SUCO: variants seen among roughly 807,000 people sequenced by gnomAD.
SUCO encodes the protein SUN domain containing ossification factor.
Under a neutral mutation model 148.1 loss-of-function variants are expected in SUCO, and 57 were observed. The observed-to-expected ratio is 0.38, with a 90% CI of 0.31 to 0.48. The LOEUF is 0.48. SUCO is among the 20% of genes least tolerant of loss of function. SUCO has a pLI of 0.96. For missense variants in SUCO, 1,331 were observed against 1,468.2 expected, an observed-to-expected ratio of 0.91 and a Z score of 1.53; for synonymous variants, 470 against 502.7, an observed-to-expected ratio of 0.93 and a Z score of 0.87.
chr1:172,594,112 G>T (rs1656891012), intron 19 of SUCO, among the ~76,000 whole-genome samples: 1 of 151,978 alleles, frequency 6.6e-6, no homozygotes, highest in African/African-American at 2.4e-5. Context: ...CTGTGGGATT[G>T]GTGGTGATAT....
chr1:172,556,562 C>T (rs1289606899), intron 4 of SUCO: 2 of 963,586 alleles, frequency 2.1e-6, no homozygotes, highest in East Asian at 1.1e-4. Flanking sequence ...TCTCTTAATA[C>T]TACATTAAGC....
At chr1:172,605,278 T>C (rs1657794371) in intron 22 of SUCO, among the ~76,000 whole-genome samples, 1 of 151,894 alleles carries the variant, frequency 6.6e-6, no homozygotes, top group Admixed American at 6.6e-5. Flanking sequence ...TTTTCCCCTG[T>C]TTTCTTCCAA....
intron 4 of SUCO, chr1:172,557,006 A>C (rs1382768710): frequency 2.0e-6 from 2 of 977,300 alleles, no homozygotes; most frequent in East Asian, 2.3e-4. Context: ...TTAGTATAGT[A>C]ATGATGGAAA....
chr1:172,557,722 A>G lies in SUCO; in HGVS notation c.660A>G (p.Lys220=). The G allele has an allele frequency of 6.2e-7, 1 of 1,613,226 alleles. No individual in the cohort carries two copies. The highest frequency in any genetic ancestry group is 2.2e-5 in the East Asian group (1 of 44,856). The change falls in exon 6 of 24, where the codon AAA becomes AAG. Residue 220 remains lysine, a synonymous_variant. Transcript: ENST00000263688. The part of the protein sequence containing the change: ...GKITKSEFES[K]VSASEQGGGD... Reference sequence around the variant, plus strand: ...TAACAAAATCAGAATTTGAATCAAAAGTTTCAGCAAGTGAACAGGGCGGTG... The same window carrying G: ...TAACAAAATCAGAATTTGAATCAAAGGTTTCAGCAAGTGAACAGGGCGGTG...
intron 3 of SUCO, 67 bp from the exon 4 acceptor site, chr1:172,555,802 C>T (rs1033408942): frequency 2.4e-6 from 3 of 1,243,984 alleles, no homozygotes; most frequent in Admixed American, 5.0e-5. Flanking sequence ...CCATAAATGC[C>T]CGTTCTGCTA....
chr1:172,532,514 A>T, upstream of SUCO: 5 of 1,613,694 alleles, frequency 3.1e-6, no homozygotes, highest in Non-Finnish European at 4.2e-6. Context: ...CTACCAATCA[A>T]CATCTAGCTC....
At chr1:172,539,463 C>T (rs1287592151) in intron 1 of SUCO, among the ~76,000 whole-genome samples, 1 of 151,996 alleles carries the variant, frequency 6.6e-6, no homozygotes. Context: ...AGTGTTAATC[C>T]TTTGGGATGA....
intron 10 of SUCO, 25 bp downstream of exon 10, chr1:172,574,023 G>T: frequency 7.4e-7 from 1 of 1,351,524 alleles, no homozygotes; most frequent in Non-Finnish European, 1.0e-6. Context: ...TGTTTCTATA[G>T]GGTCTATGTT....
intron 9 of SUCO, among the ~76,000 whole-genome samples, chr1:172,572,058 G>T (rs1423868184): frequency 1.6e-5 from 1 of 62,478 alleles, no homozygotes; most frequent in African/African-American, 8.3e-5. Context: ...CCGGCCAGCC[G>T]CCCCGTCCGG....
At chr1:172,537,523 C>T (rs1249948369) in intron 1 of SUCO, among the ~76,000 whole-genome samples, 1 of 152,154 alleles carries the variant, frequency 6.6e-6, no homozygotes, top group Admixed American at 6.5e-5. Context: ...TCAGTTAAAA[C>T]TGAATAATTC....
chr1:172,609,638 G>T (rs1420187665), intron 23 of SUCO, 178 bp from the exon 24 acceptor site: 3 of 984,636 alleles, frequency 3.0e-6, no homozygotes, highest in African/African-American at 1.7e-5. Context: ...TTTACAAAAT[G>T]GGAAGATGAT....
intron 3 of SUCO, chr1:172,555,306 G>T: frequency 1.3e-6 from 1 of 744,882 alleles, no homozygotes; most frequent in South Asian, 6.1e-5. Flanking sequence ...GGTTGATCTT[G>T]GAGGAGGAGG....
chr1:172,609,749 C>T, intron 23 of SUCO, 67 bp from the exon 24 acceptor site: 2 of 1,533,208 alleles, frequency 1.3e-6, no homozygotes, highest in South Asian at 1.3e-5. Context: ...TAGCTCAGCT[C>T]TCTAGGTGTT....
intron 4 of SUCO, 21 bp downstream of exon 4, chr1:172,556,044 A>G: frequency 6.3e-7 from 1 of 1,585,870 alleles, no homozygotes; most frequent in Non-Finnish European, 8.6e-7. Flanking sequence ...ACAAAAAACA[A>G]ACACAAAAAA....
At position 172,544,627 on chromosome 1, in the gene SUCO, A is replaced by G. The variant is rs73032199; in HGVS notation, c.63-6885A>G. Among the ~76,000 whole-genome samples, 238 of 152,326 alleles carry G rather than the reference A, an allele frequency of 1.6e-3. 1 individual carries two copies. The highest frequency in any genetic ancestry group is 5.4e-3 in the African/African-American group (225 of 41,576). On this transcript the variant is annotated intron_variant, in intron 1 of 23. Coordinates refer to ENST00000263688, the MANE Select transcript of SUCO (RefSeq NM_014283.5). ...ACAGAACATTCTTGAAAGAGGGAAC[A>G]GCATGAGCCAGAGACATGAGACAGC...
intron 6 of SUCO, among the ~76,000 whole-genome samples, chr1:172,563,322 G>GA (rs1452070149): frequency 6.6e-6 from 1 of 152,236 alleles, no homozygotes; most frequent in Non-Finnish European, 1.5e-5. Context: ...ACTTCCTAGA[G>GA]ACTTGTTGAA....
intron 1 of SUCO, among the ~76,000 whole-genome samples, chr1:172,537,503 G>T (rs982368043): frequency 6.6e-6 from 1 of 152,100 alleles, no homozygotes. Flanking sequence ...CCGATGTTGT[G>T]AGGGTCAATT....
chr1:172,590,383 C>G, intron 18 of SUCO: 1 of 984,680 alleles, frequency 1.0e-6, no homozygotes, highest in Non-Finnish European at 1.2e-6. Flanking sequence ...AGTTTGCTCT[C>G]TTTTAAACAG....
At position 172,555,959 on chromosome 1, in the gene SUCO, A is replaced by G. The variant is rs1343437586; in HGVS notation, c.379A>G (p.Ser127Gly). The G allele has an allele frequency of 2.5e-6, 4 of 1,613,522 alleles. No homozygotes were observed. The highest frequency in any genetic ancestry group is 3.4e-6 in the Non-Finnish European group (4 of 1,179,778). ...HEESSNAVVD[S>G]ETVENISSSS... is the part of the protein sequence containing the mutation. ...AGAGTCTTCCAATGCAGTTGTGGAC[A>G]GTGAAACTGTTGAAAATATTTCCAG... The change falls in exon 4 of 24, where the codon AGT becomes GGT. Residue 127 changes from serine to glycine, a missense_variant. This residue lies in a region of SUCO where 992 missense variants were observed against 1,093.5 expected (regional missense o/e 0.91). Coordinates refer to ENST00000263688, the MANE Select transcript of SUCO (RefSeq NM_014283.5).
Sources: allele counts gnomAD v4.1 joint callset (sites outside exome capture counted in the v4.1 genomes callset), GRCh38; gene constraint gnomAD v4.1.1; regional missense constraint gnomAD v4.1.1; transcripts MANE v1.5; gene names NCBI Gene and HGNC (gene_info 2026-07-23, HGNC 2026-07-21).